NRDC: variants seen among roughly 807,000 people sequenced by gnomAD.
NRDC encodes the protein nardilysin convertase.
A neutral mutation model predicts 147.1 loss-of-function variants in NRDC; 54 were observed. That is an observed-to-expected ratio of 0.37 (90% CI 0.29 to 0.46). The LOEUF is 0.46. NRDC is among the 20% of genes least tolerant of loss of function. The pLI is 1.00. For missense variants in NRDC, 1,082 were observed against 1,370.6 expected (o/e 0.79, Z 3.33); for synonymous variants, 440 against 482.1 (o/e 0.91, Z 1.14).
At chr1:51,855,094 C>CTATA (rs1446892400) in intron 1 of NRDC, among the ~76,000 whole-genome samples, 1 of 152,208 alleles carries the variant, frequency 6.6e-6, no homozygotes, top group African/African-American at 2.4e-5. Flanking sequence ...TACCTATGAC[C>CTATA]TATACACCAC....
chr1:51,826,457 A>C (rs1328112440), intron 5 of NRDC, among the ~76,000 whole-genome samples: 3 of 152,210 alleles, frequency 2.0e-5, no homozygotes, highest in Non-Finnish European at 2.9e-5. Context: ...TTAAAAATGA[A>C]GAAGTAAGTA....
At chr1:51,827,663 CAT>C in intron 5 of NRDC, 131 bp downstream of exon 5, 1 of 655,460 alleles carries the variant, frequency 1.5e-6, no homozygotes, top group East Asian at 2.8e-5. Context: ...CAGGAACAAA[CAT>C]AACACATATT....
At chr1:51,866,554 A>G (rs918283644) in intron 1 of NRDC, among the ~76,000 whole-genome samples, 9 of 152,214 alleles carry the variant, frequency 5.9e-5, no homozygotes, top group African/African-American at 2.2e-4. Flanking sequence ...AACAAAATAT[A>G]ACAGAAAACT....
Position 51,789,551 on chromosome 1 carries a change from T to TGG in NRDC, c.3258+16_3258+17insCC, listed in dbSNP as rs1347582994. 1 of 1,602,642 alleles carries TGG rather than the reference T, an allele frequency of 6.2e-7. No homozygotes were observed. The highest frequency in any genetic ancestry group is 1.1e-5 in the South Asian group (1 of 90,838). ...ATGACAACCCTAGAATGGATGGAGTTAGTTAAACATACTCACATGAACGCT... is the reference window on the plus strand; with the variant it reads ...ATGACAACCCTAGAATGGATGGAGTTGGAGTTAAACATACTCACATGAACGCT... On this transcript the variant is annotated intron_variant, in intron 30 of 30. Coordinates refer to ENST00000352171, the MANE Select transcript of NRDC (RefSeq NM_001101662.2).
intron 1 of NRDC, among the ~76,000 whole-genome samples, chr1:51,861,610 T>G (rs1682548060): frequency 6.6e-6 from 1 of 152,090 alleles, no homozygotes; most frequent in African/African-American, 2.4e-5. Flanking sequence ...CTTCCCAAAG[T>G]GCTAGGATTA....
At chr1:51,789,485 T>A in intron 30 of NRDC, 52 bp from the exon 31 acceptor site, 2 of 1,603,788 alleles carry the variant, frequency 1.2e-6, no homozygotes, top group African/African-American at 2.7e-5. Flanking sequence ...GATTTAGGGG[T>A]TTAAGAGTTC....
intron 1 of NRDC, among the ~76,000 whole-genome samples, chr1:51,858,027 A>G (rs930605320): frequency 1.3e-5 from 2 of 152,204 alleles, no homozygotes; most frequent in African/African-American, 4.8e-5. Context: ...CAGAAATGGC[A>G]AAATCTTTGT....
rs1679481447 is a variant in NRDC at position 51,806,726 on chromosome 1, T to G, written c.2110+68A>C. Reference sequence around the variant, plus strand: ...TCAAAATAGCAAGTAGATAATCACATGTGAAACAGAGCATCTAAAGAGAAC... The same window carrying G: ...TCAAAATAGCAAGTAGATAATCACAGGTGAAACAGAGCATCTAAAGAGAAC... On this transcript the variant is annotated intron_variant, in intron 18 of 30. Coordinates refer to ENST00000352171, the MANE Select transcript of NRDC (RefSeq NM_001101662.2). 3.4e-6 allele frequency: 5 copies of G among 1,482,148 alleles called. No individual in the cohort carries two copies. In the South Asian group the frequency reaches 6.1e-5, roughly 18 times the overall value. 91.8% of individuals were successfully genotyped at this position (1,482,148 alleles called of 1,614,324 possible).
chr1:51,858,589 T>C (rs1485982009), intron 1 of NRDC, among the ~76,000 whole-genome samples: 1 of 152,132 alleles, frequency 6.6e-6, no homozygotes. Context: ...AATAACGATA[T>C]CCTGGATAAA....
chr1:51,790,566 T>G lies in NRDC; in HGVS notation c.3135A>C (p.Thr1045=), dbSNP rs762989455. 1 of 1,613,972 alleles carries G rather than the reference T, an allele frequency of 6.2e-7. No homozygotes were observed. Among genetic ancestry groups the G allele is most frequent in the Non-Finnish European group, 8.5e-7 (1 of 1,179,810 alleles). ...CAAGGCGGTCAAAGAGGTACTGCTG[T>G]GTAACCACTTCATTCCAGTTCCTAT... The part of the protein sequence containing the change: ...EVDRNWNEVV[T]QQYLFDRLAH... Residue 1045 remains threonine, a synonymous_variant, in exon 29 of 31, where the codon ACA becomes ACC. Transcript: ENST00000352171.
At position 51,831,582 on chromosome 1, in the gene NRDC, C is replaced by CA. The variant is rs1680710561; in HGVS notation, c.866+2434_866+2435insT. ...GCATTGCCTTCATTGATTTATCTTTCTTTTTTTTTTTTTTGAGACAGGGTC... is the reference window on the plus strand; with the variant it reads ...GCATTGCCTTCATTGATTTATCTTTCATTTTTTTTTTTTTTGAGACAGGGTC... On this transcript the variant is annotated intron_variant, in intron 4 of 30. Transcript: ENST00000352171. 2.8e-5 allele frequency among the ~76,000 whole-genome samples: 4 copies of CA among 143,114 alleles called. No individual in the cohort carries two copies. In the South Asian group the frequency reaches 8.9e-4, roughly 32 times the overall value. The allele number at this position is 143,114 out of a possible 152,430, so 93.9% of individuals were successfully genotyped here. A position where few individuals can be genotyped will look rare whatever the true frequency, so the allele number is the denominator to read the frequency against.
intron 1 of NRDC, among the ~76,000 whole-genome samples, chr1:51,871,718 T>C (rs1218341369): frequency 6.6e-6 from 1 of 152,012 alleles, no homozygotes; most frequent in Non-Finnish European, 1.5e-5. Flanking sequence ...CAAAAAGTCA[T>C]ACTTTACATA....
chr1:51,812,233 T>C (rs758798079), intron 14 of NRDC, 135 bp from the exon 15 acceptor site: 8 of 601,554 alleles, frequency 1.3e-5, no homozygotes, highest in Non-Finnish European at 2.0e-5. Context: ...CGAGATATAA[T>C]TGCAGCTTAA....
intron 10 of NRDC, among the ~76,000 whole-genome samples, chr1:51,816,798 G>T (rs1003021405): frequency 6.6e-6 from 1 of 152,156 alleles, no homozygotes; most frequent in African/African-American, 2.4e-5. Flanking sequence ...GAAATGTGTT[G>T]TTCAGAGGGT....
chr1:51,807,011 GC>G, intron 17 of NRDC, 98 bp from the exon 18 acceptor site: 1 of 1,398,904 alleles, frequency 7.1e-7, no homozygotes. Flanking sequence ...TTTCTCTGTG[GC>G]AAAAATAAGC....
At chr1:51,816,687 C>T (rs576543853) in intron 10 of NRDC, among the ~76,000 whole-genome samples, 1 of 152,064 alleles carries the variant, frequency 6.6e-6, no homozygotes, top group Non-Finnish European at 1.5e-5. Context: ...TTTGCTTCAC[C>T]CAATATGAAA....
intron 1 of NRDC, among the ~76,000 whole-genome samples, chr1:51,846,698 CA>C (rs1232527221): frequency 6.6e-6 from 1 of 152,180 alleles, no homozygotes; most frequent in African/African-American, 2.4e-5. Flanking sequence ...TGAACACCAA[CA>C]AGATTTATCG....
At chr1:51,817,389 T>C (rs1397989251) in intron 10 of NRDC, among the ~76,000 whole-genome samples, 6 of 150,352 alleles carry the variant, frequency 4.0e-5, no homozygotes, top group African/African-American at 1.5e-4. Flanking sequence ...CATTGACTGA[T>C]CCTTAACTTA....
At position 51,825,246 on chromosome 1, in the gene NRDC, A is replaced by G. The variant is rs752591048; in HGVS notation, c.1036+41T>C. The G allele has an allele frequency of 3.3e-6, 4 of 1,222,224 alleles. No individual in the cohort carries two copies. In the South Asian group the frequency reaches 5.2e-5, roughly 16 times the overall value. 75.7% of individuals were successfully genotyped at this position (1,222,224 alleles called of 1,614,324 possible). A position where few individuals can be genotyped will look rare whatever the true frequency, so the allele number is the denominator to read the frequency against. On this transcript the variant is annotated intron_variant, in intron 6 of 30. Coordinates refer to ENST00000352171, the MANE Select transcript of NRDC (RefSeq NM_001101662.2). ...TCAACTTTTCTTATTCTAAATCTTA[A>G]CTAGAAAATATGAAATAAGATGATG... is the stretch of plus-strand genomic sequence containing the variant.
Sources: gnomAD v4.1 joint callset for allele counts (sites outside exome capture counted in the v4.1 genomes callset) on GRCh38, gnomAD v4.1.1 for gene constraint, MANE v1.5 for transcripts, NCBI Gene and HGNC (gene_info 2026-07-23, HGNC 2026-07-21) for gene names.